The following RALGPS2 variants were observed in gnomAD, a reference collection of about 807,000 sequenced individuals.
RALGPS2 encodes ras-specific guanine nucleotide-releasing factor RalGPS2.
Under a neutral mutation model 86.8 loss-of-function variants are expected in RALGPS2, and 43 were observed. That is an observed-to-expected ratio of 0.50 (90% CI 0.39 to 0.64). RALGPS2 has a LOEUF of 0.64. Among genes scored for constraint, RALGPS2 ranks in the 30% least tolerant of loss-of-function variants. The pLI is 0.00. For synonymous variants in RALGPS2, 243 were observed against 231.3 expected, an observed-to-expected ratio of 1.05 and a Z score of -0.46; for missense variants, 536 against 694.6, an observed-to-expected ratio of 0.77 and a Z score of 2.57.
Position 178,916,372 on chromosome 1 carries a change from A to G in RALGPS2, c.*13A>G. 1.3e-6 allele frequency: 2 copies of G among 1,596,880 alleles called. No individual in the cohort carries two copies. Among genetic ancestry groups the G allele is most frequent in the South Asian group, 2.2e-5 (2 of 90,298 alleles). On this transcript the variant is annotated 3_prime_UTR_variant, in exon 20 of 20. Coordinates refer to ENST00000367635, the MANE Select transcript of RALGPS2 (RefSeq NM_152663.5). ...GACTTTTGAGTAGAAGCCTGAGAAA[A>G]AAAGAGAGGTGAACTGTTGCTTCTA...
At chr1:178,893,368 A>C in intron 15 of RALGPS2, among the ~76,000 whole-genome samples, 1 of 151,574 alleles carries the variant, frequency 6.6e-6, no homozygotes, top group East Asian at 1.9e-4. Flanking sequence ...ATTAAAATGT[A>C]TTGCAGAAAG....
intron 1 of RALGPS2, among the ~76,000 whole-genome samples, chr1:178,731,441 C>T (rs1650354448): frequency 6.6e-6 from 1 of 151,796 alleles, no homozygotes; most frequent in South Asian, 2.1e-4. Flanking sequence ...CGCCACCACA[C>T]CCAGCTAATT....
intron 4 of RALGPS2, among the ~76,000 whole-genome samples, chr1:178,806,170 G>A (rs1231803343): frequency 6.6e-6 from 1 of 151,934 alleles, no homozygotes; most frequent in Admixed American, 6.6e-5. Context: ...TTTTGATAAA[G>A]CACATACTCT....
rs1660853978 is a variant in RALGPS2 at position 178,917,538 on chromosome 1, T to C, written c.*1179T>C. On this transcript the variant is annotated 3_prime_UTR_variant, in exon 20 of 20. Transcript: ENST00000367635. Reference sequence around the variant, plus strand: ...AGGTGAAAATATCAGATTCTGGAAATTTTAAGTATCTAAACTTTATACTTG... The same window carrying C: ...AGGTGAAAATATCAGATTCTGGAAACTTTAAGTATCTAAACTTTATACTTG... The C allele has an allele frequency of 6.6e-6, 1 of 152,156 alleles. No homozygotes were observed. Among genetic ancestry groups the C allele is most frequent in the Admixed American group, 6.5e-5 (1 of 15,280 alleles). 9.4% of individuals were successfully genotyped at this position (152,156 alleles called of 1,614,324 possible). A position where few individuals can be genotyped will look rare whatever the true frequency, so the allele number is the denominator to read the frequency against.
At chr1:178,767,481 GC>G in intron 1 of RALGPS2, among the ~76,000 whole-genome samples, 1 of 151,310 alleles carries the variant, frequency 6.6e-6, no homozygotes, top group East Asian at 1.9e-4. Flanking sequence ...TTGTGAAGGA[GC>G]CCCCTCTGTT....
chr1:178,815,519 T>C (rs1390266013), intron 6 of RALGPS2, among the ~76,000 whole-genome samples: 2 of 152,214 alleles, frequency 1.3e-5, no homozygotes, highest in Non-Finnish European at 2.9e-5. Flanking sequence ...TTCTTAATTT[T>C]AGTAGTCAGA....
At chr1:178,906,915 A>G in intron 19 of RALGPS2, 48 bp downstream of exon 19, 4 of 1,533,510 alleles carry the variant, frequency 2.6e-6, no homozygotes, top group Non-Finnish European at 3.6e-6. Context: ...TTGGGAACAT[A>G]TGTAAAAGAG....
At position 178,747,444 on chromosome 1, in the gene RALGPS2, G is replaced by A. The variant is rs879119023; in HGVS notation, c.-84+22025G>A. 3.1e-6 allele frequency: 5 copies of A among 1,588,852 alleles called. No individual in the cohort carries two copies. In the South Asian group the frequency reaches 5.5e-5, roughly 18 times the overall value. ...ACACTGAATCCTGTTTCTTTAAACA[G>A]CATCTCTTGGTCATCTGTTGGCCAG... On this transcript the variant is annotated intron_variant, in intron 1 of 19. Transcript: ENST00000367635.
At chr1:178,889,443 G>T (rs569224741) in intron 13 of RALGPS2, among the ~76,000 whole-genome samples, 199 bp from the exon 14 acceptor site, 3 of 151,986 alleles carry the variant, frequency 2.0e-5, no homozygotes, top group Non-Finnish European at 4.4e-5. Flanking sequence ...TTAGGTTGTC[G>T]TGTCAACTGT....
At position 178,919,692 on chromosome 1, in the gene RALGPS2, A is replaced by C. The variant is rs1016967463; in HGVS notation, c.*3333A>C. 1 of 152,034 alleles carries C rather than the reference A, an allele frequency of 6.6e-6. No individual in the cohort carries two copies. Among genetic ancestry groups the C allele is most frequent in the Non-Finnish European group, 1.5e-5 (1 of 67,912 alleles). The allele number at this position is 152,034 out of a possible 1,614,324, so 9.4% of individuals were successfully genotyped here. ...AAACTATAGGGCATCATACTAATTG[A>C]AAATCAATAGTAATGGGTTCCATCC... is the stretch of plus-strand genomic sequence containing the variant. On this transcript the variant is annotated 3_prime_UTR_variant, in exon 20 of 20. Transcript: ENST00000367635.
chr1:178,796,456 CAG>C (rs1335988711), intron 4 of RALGPS2, among the ~76,000 whole-genome samples: 1 of 152,124 alleles, frequency 6.6e-6, no homozygotes, highest in Non-Finnish European at 1.5e-5. Context: ...CTTTTGAGCA[CAG>C]AGATGTCTCA....
At chr1:178,780,862 CTG>C (rs1653357541) in intron 2 of RALGPS2, among the ~76,000 whole-genome samples, 2 of 152,080 alleles carry the variant, frequency 1.3e-5, no homozygotes, top group Non-Finnish European at 2.9e-5. Context: ...ATTTTTAAAA[CTG>C]TCACTTAGAA....
In RALGPS2 at chr1:178,811,288, ATATT is replaced by A. The variant is rs1489670355; in HGVS notation, c.298-20_298-17del. On this transcript the variant is annotated intron_variant, in intron 5 of 19. Coordinates refer to ENST00000367635, the MANE Select transcript of RALGPS2 (RefSeq NM_152663.5). Reference sequence around the variant, plus strand: ...AACTTACAAATTAAAAATCATAGTGATATTTATTTAAAATTTTTATTTACAGGTA... The same window carrying A: ...AACTTACAAATTAAAAATCATAGTGATATTTAAAATTTTTATTTACAGGTA... The A allele has an allele frequency of 2.0e-6, 3 of 1,468,914 alleles. No homozygotes were observed. In the African/African-American group the frequency reaches 4.4e-5, roughly 22 times the overall value. The allele number at this position is 1,468,914 out of a possible 1,614,324, so 91.0% of individuals were successfully genotyped here.
intron 1 of RALGPS2, among the ~76,000 whole-genome samples, chr1:178,773,602 C>T (rs1249173693): frequency 2.3e-4 from 35 of 152,002 alleles, no homozygotes; most frequent in Admixed American, 2.3e-3. Context: ...CTATTGACTC[C>T]TGGCTAACAC....
At chr1:178,780,081 A>G (rs1653315712) in intron 2 of RALGPS2, among the ~76,000 whole-genome samples, 1 of 152,198 alleles carries the variant, frequency 6.6e-6, no homozygotes, top group African/African-American at 2.4e-5. Context: ...TCATCATAGC[A>G]GAGAGAATCT....
intron 8 of RALGPS2, among the ~76,000 whole-genome samples, chr1:178,861,113 A>AT (rs1657977906): frequency 6.6e-6 from 1 of 152,182 alleles, no homozygotes; most frequent in Admixed American, 6.5e-5. Flanking sequence ...CCAAGGTCAC[A>AT]TAACAAAGGT....
chr1:178,892,372 G>A, intron 15 of RALGPS2, 65 bp downstream of exon 15: 1 of 1,357,230 alleles, frequency 7.4e-7, no homozygotes. Flanking sequence ...GGCTTACATG[G>A]GTGTGGTCTG....
At chr1:178,744,050 T>C (rs1651176299) in intron 1 of RALGPS2, among the ~76,000 whole-genome samples, 1 of 152,180 alleles carries the variant, frequency 6.6e-6, no homozygotes, top group Non-Finnish European at 1.5e-5. Context: ...AGACAGACGT[T>C]GTGAGGTAAG....
intron 3 of RALGPS2, among the ~76,000 whole-genome samples, chr1:178,785,090 T>G (rs1277894465): frequency 6.6e-6 from 1 of 152,050 alleles, no homozygotes; most frequent in African/African-American, 2.4e-5. Context: ...CTTATATCTA[T>G]AGCCATAAGT....
Sources: gnomAD v4.1 joint callset for allele counts (sites outside exome capture counted in the v4.1 genomes callset) on GRCh38, gnomAD v4.1.1 for gene constraint, MANE v1.5 for transcripts, NCBI Gene and HGNC (gene_info 2026-07-23, HGNC 2026-07-21) for gene names.